Variants in LIN52 observed in about 807,000 individuals in gnomAD.
The protein encoded by LIN52 is protein lin-52 homolog.
A neutral mutation model predicts 18.5 loss-of-function variants in LIN52; 4 were observed. That is an observed-to-expected ratio of 0.22 (90% CI 0.11 to 0.49). The LOEUF is 0.49. LIN52 is among the 20% of genes least tolerant of loss of function. LIN52 has a pLI of 0.97. For synonymous variants in LIN52, 34 were observed against 45.5 expected (o/e 0.75, Z 1.02); for missense variants, 102 against 139.5 (o/e 0.73, Z 1.35).
rs184361996 is a variant in LIN52, at chr14:74,201,372, C to T, written c.*2395C>T. On this transcript the variant is annotated 3_prime_UTR_variant, in exon 6 of 6. Transcript: ENST00000555028. Reference sequence around the variant, plus strand: ...AATGGATAGTTGGGGGCTTTACAGTCATCTACTTGGTCTCCTGCCTTCCAT... The same window carrying T: ...AATGGATAGTTGGGGGCTTTACAGTTATCTACTTGGTCTCCTGCCTTCCAT... 6.6e-6 allele frequency: 1 copy of T among 152,260 alleles called. No homozygotes were observed. Among genetic ancestry groups the T allele is most frequent in the East Asian group, 1.9e-4 (1 of 5,174 alleles). The allele number at this position is 152,260 out of a possible 1,614,324, so 9.4% of individuals were successfully genotyped here.
At chr14:74,156,415 G>C (rs76704179) in intron 5 of LIN52, among the ~76,000 whole-genome samples, 4,446 of 152,212 alleles carry the variant, frequency 0.029, 221 homozygotes, top group African/African-American at 0.1. Context: ...TAGGTGTGTA[G>C]CATGGTCAAT....
chr14:74,087,798 G>A (rs150807089), intron 1 of LIN52, among the ~76,000 whole-genome samples: 46 of 152,258 alleles, frequency 3.0e-4, no homozygotes, highest in African/African-American at 1.1e-3. Context: ...TTCAAATACA[G>A]CCATCTAATT....
chr14:74,115,235 C>G (rs1203152546), intron 5 of LIN52, among the ~76,000 whole-genome samples: 3 of 152,148 alleles, frequency 2.0e-5, no homozygotes, highest in Admixed American at 6.5e-5. Flanking sequence ...AAAAGGTACT[C>G]CCCACTCCAT....
At chr14:74,171,018 C>CAA (rs11424527) in intron 5 of LIN52, among the ~76,000 whole-genome samples, 26,487 of 123,318 alleles carry the variant, frequency 0.21, 3,019 homozygotes, top group East Asian at 0.59. Context: ...CCGTCTGTAC[C>CAA]AAAAAAAAAA....
In LIN52 at chr14:74,121,575, G is replaced by A. The variant is rs138085522; in HGVS notation, c.283+20337G>A. Among the ~76,000 whole-genome samples the A allele has an allele frequency of 1.5e-3, 221 of 152,198 alleles. 1 individual carries two copies. Among genetic ancestry groups the A allele is most frequent in the African/African-American group, 5.2e-3 (215 of 41,526 alleles). On this transcript the variant is annotated intron_variant, in intron 5 of 5. Coordinates refer to ENST00000555028, the MANE Select transcript of LIN52 (RefSeq NM_001024674.3). ...TAAAGAAAATAGTTAAAGATGCTTT[G>A]GTTTTTCCAGGAAAGTGGTTTTCCA...
chr14:74,173,283 G>A (rs972584306), intron 5 of LIN52, among the ~76,000 whole-genome samples: 1 of 152,112 alleles, frequency 6.6e-6, no homozygotes, highest in African/African-American at 2.4e-5. Flanking sequence ...TGCCTCCTGG[G>A]TTCAAGTGAT....
At chr14:74,151,773 A>G (rs1336242881) in intron 5 of LIN52, among the ~76,000 whole-genome samples, 1 of 152,186 alleles carries the variant, frequency 6.6e-6, no homozygotes, top group Non-Finnish European at 1.5e-5. Context: ...TTAACAAACT[A>G]ATCAGTTGGA....
chr14:74,096,574 A>G (rs2139863185), intron 3 of LIN52, among the ~76,000 whole-genome samples: 1 of 152,108 alleles, frequency 6.6e-6, no homozygotes, highest in East Asian at 1.9e-4. Context: ...ATGCATGTAA[A>G]GTGTTTTGCT....
chr14:74,167,636 T>G (rs945332365), intron 5 of LIN52, among the ~76,000 whole-genome samples: 5 of 152,242 alleles, frequency 3.3e-5, no homozygotes, highest in Admixed American at 1.3e-4. Context: ...CCTTTTACTC[T>G]AAATGCTATT....
At chr14:74,117,471 T>G (rs1330870576) in intron 5 of LIN52, among the ~76,000 whole-genome samples, 1 of 151,348 alleles carries the variant, frequency 6.6e-6, no homozygotes, top group African/African-American at 2.5e-5. Context: ...GGACCTGGAT[T>G]TCTTTTTTTT....
intron 5 of LIN52, among the ~76,000 whole-genome samples, chr14:74,170,569 A>G (rs1410626014): frequency 6.6e-6 from 1 of 152,170 alleles, no homozygotes; most frequent in Non-Finnish European, 1.5e-5. Flanking sequence ...TTAACTTTAT[A>G]GAAGTTGCCT....
At chr14:74,172,995 TA>T (rs1566866734) in intron 5 of LIN52, among the ~76,000 whole-genome samples, 1 of 152,142 alleles carries the variant, frequency 6.6e-6, no homozygotes, top group African/African-American at 2.4e-5. Context: ...ATGAACCAAT[TA>T]AAAAAAGAAA....
intron 5 of LIN52, among the ~76,000 whole-genome samples, chr14:74,180,262 ATTTTTTTTT>A (rs5809652): frequency 8.3e-6 from 1 of 119,770 alleles, no homozygotes; most frequent in South Asian, 2.6e-4. Flanking sequence ...GGGAGGAGGA[ATTTTTTTTT>A]TTTTTTTTTT....
At chr14:74,091,210 T>A in intron 1 of LIN52, 22 bp from the exon 2 acceptor site, 1 of 1,572,628 alleles carries the variant, frequency 6.4e-7, no homozygotes, top group Non-Finnish European at 8.7e-7. Context: ...TCTTCTTGGT[T>A]CATCTGGATG....
At chr14:74,118,050 C>T in intron 5 of LIN52, among the ~76,000 whole-genome samples, 1 of 152,150 alleles carries the variant, frequency 6.6e-6, no homozygotes, top group Middle Eastern at 3.2e-3. Flanking sequence ...GTAAAGACGT[C>T]CTTTCAATGG....
chr14:74,119,453 C>T (rs757127623), intron 5 of LIN52, among the ~76,000 whole-genome samples: 12 of 151,956 alleles, frequency 7.9e-5, no homozygotes, highest in East Asian at 3.9e-4. Context: ...CATGAGCCGC[C>T]GCACCTGGGC....
rs554906473 is a variant in LIN52, at chr14:74,188,332, C to T, written c.284-10590C>T. ...GCAAGTCATACACAAAGTGTTATTGCGATGAAAAAATAGTGGCGTGAATAA... is the reference window on the plus strand; with the variant it reads ...GCAAGTCATACACAAAGTGTTATTGTGATGAAAAAATAGTGGCGTGAATAA... On this transcript the variant is annotated intron_variant, in intron 5 of 5. Transcript: ENST00000555028. Among the ~76,000 whole-genome samples the T allele has an allele frequency of 5.5e-4, 84 of 152,080 alleles. 1 individual carries two copies. Among genetic ancestry groups the T allele is most frequent in the Non-Finnish European group, 9.6e-4 (65 of 68,012 alleles).
chr14:74,106,411 A>T (rs1286392393), intron 5 of LIN52, among the ~76,000 whole-genome samples: 1 of 152,098 alleles, frequency 6.6e-6, no homozygotes, highest in African/African-American at 2.4e-5. Context: ...CTGGGACTAC[A>T]GGTGCAGTGC....
At chr14:74,163,892 C>T (rs115134533) in intron 5 of LIN52, among the ~76,000 whole-genome samples, 2,079 of 152,142 alleles carry the variant, frequency 0.014, 47 homozygotes, top group African/African-American at 0.046. Context: ...TTCTCTCCCA[C>T]AAAAGACTGG....
Sources: allele counts gnomAD v4.1 joint callset (sites outside exome capture counted in the v4.1 genomes callset), GRCh38; gene constraint gnomAD v4.1.1; transcripts MANE v1.5; gene names NCBI Gene and HGNC (gene_info 2026-07-23, HGNC 2026-07-21).